The following SLC14A2 variants were observed in gnomAD, a reference collection of about 807,000 sequenced individuals.
SLC14A2 encodes solute carrier family 14 member 2, also known as urea transporter 2.
In SLC14A2, 91 loss-of-function variants were observed where a neutral mutation model predicts 104.6. That is an observed-to-expected ratio of 0.87 (90% CI 0.73 to 1.04). The LOEUF (loss-of-function observed/expected upper bound fraction) is 1.04, where lower values mean the gene tolerates loss of function less well. Among genes scored for constraint, SLC14A2 ranks in the 50% least tolerant of loss-of-function variants. The pLI, the probability that SLC14A2 is intolerant of heterozygous loss-of-function variation, is 0.00. For synonymous variants in SLC14A2, 476 were observed against 466.4 expected, an observed-to-expected ratio of 1.02 and a Z score of -0.27; for missense variants, 1,189 against 1,156.0, an observed-to-expected ratio of 1.03 and a Z score of -0.41.
chr18:45,453,372 T>C (rs1019289519), intron 1 of SLC14A2, among the ~76,000 whole-genome samples: 1 of 152,096 alleles, frequency 6.6e-6, no homozygotes, highest in African/African-American at 2.4e-5. Flanking sequence ...TTGACAGAGG[T>C]GACAAAAATC....
At chr18:45,495,572 G>A (rs929380993) in intron 2 of SLC14A2, among the ~76,000 whole-genome samples, 1 of 151,942 alleles carries the variant, frequency 6.6e-6, no homozygotes, top group Non-Finnish European at 1.5e-5. Context: ...TTCAACCTTG[G>A]GATTATATCA....
intron 1 of SLC14A2, among the ~76,000 whole-genome samples, chr18:45,286,986 G>A (rs567154529): frequency 1.3e-5 from 2 of 152,282 alleles, no homozygotes; most frequent in African/African-American, 4.8e-5. Flanking sequence ...AGCTACCTGT[G>A]TGCACTCATT....
At chr18:45,565,065 C>CATGT (rs1323456528) in intron 2 of SLC14A2, among the ~76,000 whole-genome samples, 1 of 6,172 alleles carries the variant, frequency 1.6e-4, no homozygotes, top group Non-Finnish European at 2.8e-4. Context: ...TGTGTTCGTG[C>CATGT]ATGCGTTTAT....
intron 1 of SLC14A2, among the ~76,000 whole-genome samples, chr18:45,430,546 T>TTTATTTTATTTTATTTTATTTTA (rs2086498290): frequency 1.1e-5 from 1 of 90,548 alleles, no homozygotes; most frequent in Admixed American, 9.4e-5. Flanking sequence ...GGGAAGTTAT[T>TTTATTTTATTTTATTTTATTTTA]TTATTTTATT....
At chr18:45,398,201 G>A (rs561328266) in intron 1 of SLC14A2, among the ~76,000 whole-genome samples, 2 of 152,146 alleles carry the variant, frequency 1.3e-5, no homozygotes, top group African/African-American at 4.8e-5. Flanking sequence ...TTCTCATGGT[G>A]TTCTTTCTGA....
chr18:45,492,669 G>T (rs2144732649), intron 2 of SLC14A2, among the ~76,000 whole-genome samples: 1 of 152,292 alleles, frequency 6.6e-6, no homozygotes, highest in South Asian at 2.1e-4. Context: ...TAGCTAAAAA[G>T]TTGGGATTAC....
At chr18:45,637,314 G>GT (rs2045435527) in intron 6 of SLC14A2, 132 bp downstream of exon 6, 1 of 670,520 alleles carries the variant, frequency 1.5e-6, no homozygotes, top group African/African-American at 1.8e-5. Flanking sequence ...CCTCAGCAGG[G>GT]TATCAGAAAG....
chr18:45,370,895 A>C (rs1269961645), intron 1 of SLC14A2, among the ~76,000 whole-genome samples: 2 of 152,150 alleles, frequency 1.3e-5, no homozygotes, highest in Non-Finnish European at 2.9e-5. Flanking sequence ...TATGTGGGAA[A>C]AGTCTCTTTG....
chr18:45,608,795 C>A (rs2044918017), intron 2 of SLC14A2, among the ~76,000 whole-genome samples: 2 of 152,196 alleles, frequency 1.3e-5, no homozygotes, highest in African/African-American at 4.8e-5. Flanking sequence ...TGGGAAGTAG[C>A]TTCTTTGGGA....
chr18:45,664,551 C>T (rs1456695215), intron 11 of SLC14A2, among the ~76,000 whole-genome samples: 1 of 152,202 alleles, frequency 6.6e-6, no homozygotes, highest in Non-Finnish European at 1.5e-5. Flanking sequence ...CTAATCCTGC[C>T]TCCAATCCCC....
chr18:45,394,485 A>T (rs1171447138), intron 1 of SLC14A2, among the ~76,000 whole-genome samples: 1 of 152,204 alleles, frequency 6.6e-6, no homozygotes, highest in Non-Finnish European at 1.5e-5. Flanking sequence ...TTTTGGAGTC[A>T]CAGAATATAA....
chr18:45,612,052 C>T (rs182339675), upstream of SLC14A2, among the ~76,000 whole-genome samples: 18 of 152,238 alleles, frequency 1.2e-4, no homozygotes, highest in Middle Eastern at 3.4e-3. Flanking sequence ...AGGAAATTGC[C>T]GATAAGGGGC....
rs1487201490 is a variant in SLC14A2, at chr18:45,682,343, C to A, written c.2587C>A (p.Pro863Thr). The A allele has an allele frequency of 5.0e-6, 8 of 1,614,010 alleles. No individual in the cohort carries two copies. In the Admixed American group the frequency reaches 1.2e-4, roughly 24 times the overall value. Residue 863 changes from proline (P) to threonine (T), a missense_variant, in exon 20 of 20, where the codon CCC (proline) becomes ACC (threonine). Transcript: ENST00000255226. Reference protein sequence around the residue: ...SVFGLPPCTWPFCLSALTFLL... With the variant: ...SVFGLPPCTWTFCLSALTFLL... ...GTTTGGATTGCCGCCCTGCACTTGG[C>A]CCTTCTGTCTCTCAGCTCTCACCTT...
At chr18:45,320,011 T>C (rs565926241) in intron 1 of SLC14A2, among the ~76,000 whole-genome samples, 2 of 152,334 alleles carry the variant, frequency 1.3e-5, no homozygotes, top group South Asian at 4.1e-4. Flanking sequence ...GAAAAAGCTT[T>C]CTTCCCAGGC....
chr18:45,675,350 C>G (rs1445770312), intron 18 of SLC14A2, among the ~76,000 whole-genome samples: 1 of 152,078 alleles, frequency 6.6e-6, no homozygotes, highest in African/African-American at 2.4e-5. Flanking sequence ...AGCCGTGGTG[C>G]CTGAGGCTAA....
At chr18:45,417,221 A>G (rs899419260) in intron 1 of SLC14A2, among the ~76,000 whole-genome samples, 10 of 152,138 alleles carry the variant, frequency 6.6e-5, no homozygotes, top group Non-Finnish European at 1.5e-4. Flanking sequence ...AATTCAACAA[A>G]TTATGGGGTT....
chr18:45,613,237 T>A (rs778278024), upstream of SLC14A2, among the ~76,000 whole-genome samples: 4 of 152,106 alleles, frequency 2.6e-5, no homozygotes, highest in Non-Finnish European at 5.9e-5. Context: ...GGTTTCACCG[T>A]GGTCTTGATC....
chr18:45,611,808 A>G (rs979331537), upstream of SLC14A2, among the ~76,000 whole-genome samples: 1 of 152,234 alleles, frequency 6.6e-6, no homozygotes, highest in African/African-American at 2.4e-5. Context: ...CTGCAAAACA[A>G]GAAGAAGAGC....
chr18:45,375,572 T>C (rs903342849), intron 1 of SLC14A2, among the ~76,000 whole-genome samples: 4 of 152,226 alleles, frequency 2.6e-5, no homozygotes, highest in African/African-American at 4.8e-5. Flanking sequence ...GGAGACTGAT[T>C]TGAGTAATAA....
Sources: gnomAD v4.1 joint callset for allele counts (sites outside exome capture counted in the v4.1 genomes callset) on GRCh38, gnomAD v4.1.1 for gene constraint, MANE v1.5 for transcripts, NCBI Gene and HGNC (gene_info 2026-07-23, HGNC 2026-07-21) for gene names.